ZFHX3: variants seen among roughly 807,000 people sequenced by gnomAD.
The protein encoded by ZFHX3 is zinc finger homeobox protein 3.
Under a neutral mutation model 279.1 loss-of-function variants are expected in ZFHX3, and 42 were observed. That is an observed-to-expected ratio of 0.15 (90% CI 0.12 to 0.19). The LOEUF is 0.19. Ranked by LOEUF, ZFHX3 falls within the 10% of genes least tolerant of loss-of-function variation. The pLI is 1.00. For synonymous variants in ZFHX3, 2,293 were observed against 1,957.8 expected, an observed-to-expected ratio of 1.17 and a Z score of -4.52; for missense variants, 4,981 against 4,754.0, an observed-to-expected ratio of 1.05 and a Z score of -1.40.
intron 1 of ZFHX3, chr16:73,015,074 TCTCA>T (rs1474652936): frequency 8.0e-6 from 1 of 125,208 alleles, no homozygotes; most frequent in Non-Finnish European, 1.6e-5. Flanking sequence ...TGAGATAGGG[TCTCA>T]CTCTGTCTCT....
Position 73,609,564 on chromosome 16 carries a change from A to T in ZFHX3, c.-1547+70616T>A, listed in dbSNP as rs552959099. 7.2e-5 allele frequency: 11 copies of T among 152,294 alleles called. No individual in the cohort carries two copies. In the East Asian group the frequency reaches 1.9e-3, roughly 27 times the overall value. 9.4% of individuals were successfully genotyped at this position (152,294 alleles called of 1,614,324 possible). A position where few individuals can be genotyped will look rare whatever the true frequency, so the allele number is the denominator to read the frequency against. ...ATTTTTACTTTTAAATTAAAATTTA[A>T]AAAGGATTCAGACTGTGGATTTTAC... On this transcript the variant is annotated intron_variant, in intron 2 of 17. Coordinates refer to the ZFHX3 transcript ENST00000641206.
chr16:73,054,210 T>C (rs974678314), intron 1 of ZFHX3, among the ~76,000 whole-genome samples: 7 of 152,290 alleles, frequency 4.6e-5, no homozygotes, highest in African/African-American at 1.7e-4. Flanking sequence ...TCTAATGAGG[T>C]AGCATTACAA....
At chr16:73,713,973 A>C (rs994923721) in intron 1 of ZFHX3, among the ~76,000 whole-genome samples, 1 of 152,188 alleles carries the variant, frequency 6.6e-6, no homozygotes, top group Non-Finnish European at 1.5e-5. Context: ...AGCCAGAGGA[A>C]GCAGATCACC....
intron 3 of ZFHX3, among the ~76,000 whole-genome samples, chr16:73,382,123 G>C: frequency 6.6e-6 from 1 of 152,154 alleles, no homozygotes; most frequent in East Asian, 1.9e-4. Flanking sequence ...ACCAAATACA[G>C]AAATAAATTC....
intron 3 of ZFHX3, among the ~76,000 whole-genome samples, chr16:73,395,453 G>C (rs765160177): frequency 1.3e-5 from 2 of 151,902 alleles, no homozygotes; most frequent in Non-Finnish European, 2.9e-5. Context: ...GACAAAGTGA[G>C]GATCTGTCTC....
At chr16:73,801,395 G>T (rs1409245099) in intron 1 of ZFHX3, among the ~76,000 whole-genome samples, 3 of 152,132 alleles carry the variant, frequency 2.0e-5, no homozygotes, top group Non-Finnish European at 4.4e-5. Context: ...TGGGTTAAAG[G>T]GTTACACATG....
At chr16:73,696,708 C>CTGA (rs1017950609) in intron 1 of ZFHX3, among the ~76,000 whole-genome samples, 2 of 152,176 alleles carry the variant, frequency 1.3e-5, no homozygotes, top group African/African-American at 4.8e-5. Flanking sequence ...AAGTGGCAGT[C>CTGA]TGATTTATTC....
intron 3 of ZFHX3, among the ~76,000 whole-genome samples, chr16:73,424,783 A>T (rs2017782305): frequency 6.6e-6 from 1 of 151,160 alleles, no homozygotes; most frequent in Non-Finnish European, 1.5e-5. Flanking sequence ...AAAAAGAGAA[A>T]GAAAAGAAAA....
rs141939410 is a variant in ZFHX3, at chr16:72,959,835, G to A, written c.311C>T (p.Pro104Leu). ...GCTCTCCTCTCTCAGGGGTGGCGGG[G>A]GGCGCGCGCTGGGGCAGTGGTGCTC... ...YMEHHCPSAR[P>L]PPPLREESAS... Residue 104 changes from proline (P) to leucine (L), a missense_variant, in exon 2 of 10, where the codon CCC (proline) becomes CTC (leucine). Coordinates refer to ENST00000268489, the MANE Select transcript of ZFHX3 (RefSeq NM_006885.4). 763 of 1,594,640 alleles carry A rather than the reference G, an allele frequency of 4.8e-4. 3 individuals are homozygous for A. In the African/African-American group the frequency reaches 6.8e-3, roughly 14 times the overall value.
intron 3 of ZFHX3, among the ~76,000 whole-genome samples, chr16:72,924,796 C>G (rs376940822): frequency 6.6e-6 from 1 of 152,226 alleles, no homozygotes; most frequent in African/African-American, 2.4e-5. Context: ...CGTTCACTCT[C>G]GTTTAGCCCC....
chr16:73,882,315 C>A (rs181955647), intron 1 of ZFHX3, among the ~76,000 whole-genome samples: 3 of 151,962 alleles, frequency 2.0e-5, no homozygotes, highest in Admixed American at 2.0e-4. Context: ...CTAGTGATGT[C>A]ATCTATACAA....
chr16:73,071,804 G>T (rs1965829935), intron 8 of ZFHX3, among the ~76,000 whole-genome samples: 1 of 152,222 alleles, frequency 6.6e-6, no homozygotes, highest in Non-Finnish European at 1.5e-5. Flanking sequence ...GAAAGGTGGA[G>T]ATAGGGTGTG....
chr16:73,314,595 T>C (rs147351899), intron 4 of ZFHX3, among the ~76,000 whole-genome samples: 1 of 152,246 alleles, frequency 6.6e-6, no homozygotes, highest in East Asian at 1.9e-4. Flanking sequence ...GTGTGTGTTA[T>C]GATCTAGGTG....
chr16:72,988,615 G>A (rs1429374076), intron 1 of ZFHX3, among the ~76,000 whole-genome samples: 1 of 152,142 alleles, frequency 6.6e-6, no homozygotes, highest in Non-Finnish European at 1.5e-5. Context: ...TGCACTAACT[G>A]GGTCCCTGCA....
intron 3 of ZFHX3, among the ~76,000 whole-genome samples, chr16:72,945,811 G>A (rs924295406): frequency 3.3e-5 from 5 of 151,998 alleles, no homozygotes; most frequent in African/African-American, 9.7e-5. Context: ...GGAAGGGGAC[G>A]GTCCCCAAAG....
At chr16:72,837,366 G>A (rs1285317244) in intron 4 of ZFHX3, among the ~76,000 whole-genome samples, 1 of 151,820 alleles carries the variant, frequency 6.6e-6, no homozygotes, top group East Asian at 1.9e-4. Flanking sequence ...CCTTCTCAAA[G>A]ATGACAACGA....
chr16:73,888,093 C>G (rs1278650133), intron 1 of ZFHX3, among the ~76,000 whole-genome samples: 4 of 152,166 alleles, frequency 2.6e-5, no homozygotes, highest in African/African-American at 9.7e-5. Flanking sequence ...CTTCCTCTCC[C>G]TACCGCAAGC....
intron 1 of ZFHX3, among the ~76,000 whole-genome samples, chr16:73,717,599 C>G (rs2053428599): frequency 6.6e-6 from 1 of 152,144 alleles, no homozygotes; most frequent in African/African-American, 2.4e-5. Context: ...TTGCTTGGTC[C>G]TTGGTGAGCT....
intron 2 of ZFHX3, among the ~76,000 whole-genome samples, chr16:73,497,135 A>T (rs1442243798): frequency 6.6e-6 from 1 of 152,204 alleles, no homozygotes; most frequent in African/African-American, 2.4e-5. Flanking sequence ...AGAAAGTTTT[A>T]TATATAGGTT....
Sources: gnomAD v4.1 joint callset for allele counts (sites outside exome capture counted in the v4.1 genomes callset) on GRCh38, gnomAD v4.1.1 for gene constraint, MANE v1.5 for transcripts, NCBI Gene and HGNC (gene_info 2026-07-23, HGNC 2026-07-21) for gene names.